Variants in PEX14 observed in about 807,000 individuals in gnomAD.
PEX14 encodes peroxisomal biogenesis factor 14, also known as peroxisomal membrane protein PEX14.
In PEX14, 15 loss-of-function variants were observed where a neutral mutation model predicts 49.5. The ratio of observed to expected loss-of-function variants is 0.30; its 90% CI spans 0.20 to 0.47. PEX14 has a LOEUF of 0.47. PEX14 is among the 20% of genes least tolerant of loss of function. The pLI is 1.00. For missense variants in PEX14, 398 were observed against 494.8 expected, an observed-to-expected ratio of 0.80 and a Z score of 1.86; for synonymous variants, 210 against 212.7, an observed-to-expected ratio of 0.99 and a Z score of 0.11.
At chr1:10,575,138 T>A (rs1337868729) in intron 3 of PEX14, among the ~76,000 whole-genome samples, 2 of 151,362 alleles carry the variant, frequency 1.3e-5, no homozygotes, top group African/African-American at 4.8e-5. Context: ...ATTAGGCAGA[T>A]TAGAAATTCA....
intron 3 of PEX14, among the ~76,000 whole-genome samples, chr1:10,577,409 C>CAAAA (rs377044144): frequency 1.4e-3 from 1 of 702 alleles, no homozygotes; most frequent in Non-Finnish European, 2.6e-3. Context: ...AAAAAAAAAA[C>CAAAA]CAAAAAAAAA....
At position 10,623,147 on chromosome 1, in the gene PEX14, C is replaced by T. The variant is rs1641644170; in HGVS notation, c.487+26C>T. 6.7e-7 allele frequency: 1 copy of T among 1,492,046 alleles called. No homozygotes were observed. Among genetic ancestry groups the T allele is most frequent in the Non-Finnish European group, 9.3e-7 (1 of 1,072,364 alleles). 92.4% of individuals were successfully genotyped at this position (1,492,046 alleles called of 1,614,324 possible). On this transcript the variant is annotated intron_variant, in intron 6 of 8. Coordinates refer to ENST00000356607, the MANE Select transcript of PEX14 (RefSeq NM_004565.3). The surrounding 1 kb of genome is among the most constrained non-coding windows in gnomAD (Gnocchi z 4.4). The stretch of plus-strand genomic sequence containing the variant: ...GTAAAGATTAATGACTCCATCAAGT[C>T]ACCCCTCACAGCCTTCTCCAAGCAG...
chr1:10,552,093 A>C (rs1224983622), intron 3 of PEX14, among the ~76,000 whole-genome samples: 18 of 150,450 alleles, frequency 1.2e-4, no homozygotes, highest in Admixed American at 1.2e-3. Flanking sequence ...ACTCTGTCTC[A>C]AAAAAAAAAT....
chr1:10,536,152 T>A, intron 2 of PEX14, 61 bp from the exon 3 acceptor site: 2 of 1,050,684 alleles, frequency 1.9e-6, no homozygotes, highest in African/African-American at 1.5e-5. Context: ...CTAGGATTTT[T>A]AATCTTGAAA....
intron 2 of PEX14, among the ~76,000 whole-genome samples, chr1:10,504,641 A>T (rs1641748234): frequency 2.6e-5 from 4 of 152,236 alleles, no homozygotes; most frequent in Admixed American, 2.6e-4. Context: ...CTTTAGGACC[A>T]GGGCCACTTT....
intron 3 of PEX14, among the ~76,000 whole-genome samples, chr1:10,577,588 T>A (rs1362085084): frequency 0.04 from 844 of 21,318 alleles, 89 homozygotes; most frequent in Non-Finnish European, 0.052. Context: ...TTTTTTTTTT[T>A]TTTTTTTTTT....
At position 10,495,727 on chromosome 1, in the gene PEX14, C is replaced by T. The variant is rs1042790311; in HGVS notation, c.84+406C>T. On this transcript the variant is annotated intron_variant, in intron 2 of 8. Coordinates refer to ENST00000356607, the MANE Select transcript of PEX14 (RefSeq NM_004565.3). This position sits in a 1 kb window ranked among gnomAD's most constrained non-coding sequence, Gnocchi z 4.2. Reference sequence around the variant, plus strand: ...CAGTGGTCTTTAAAGAACAGGTAAGCGATGGAATTCTGGTTTTGCCTGGTC... The same window carrying T: ...CAGTGGTCTTTAAAGAACAGGTAAGTGATGGAATTCTGGTTTTGCCTGGTC... Among the ~76,000 whole-genome samples, 1 of 152,246 alleles carries T rather than the reference C, an allele frequency of 6.6e-6. No individual in the cohort carries two copies. Among genetic ancestry groups the T allele is most frequent in the South Asian group, 2.1e-4 (1 of 4,828 alleles).
At chr1:10,577,319 C>T (rs1640144927) in intron 3 of PEX14, among the ~76,000 whole-genome samples, 2 of 145,974 alleles carry the variant, frequency 1.4e-5, no homozygotes, top group Admixed American at 1.4e-4. Context: ...ATTGCTTGAA[C>T]CTGGGAGGCA....
chr1:10,515,826 C>A (rs193038708), intron 2 of PEX14, among the ~76,000 whole-genome samples: 5 of 152,246 alleles, frequency 3.3e-5, no homozygotes, highest in African/African-American at 1.2e-4. Flanking sequence ...CCACTGTGTG[C>A]TGTGGTCAGG....
chr1:10,533,314 A>G (rs1199572757), intron 2 of PEX14, among the ~76,000 whole-genome samples: 1 of 152,140 alleles, frequency 6.6e-6, no homozygotes, highest in Non-Finnish European at 1.5e-5. Flanking sequence ...ACAAGCCCCA[A>G]ATATACTTTA....
intron 1 of PEX14, among the ~76,000 whole-genome samples, chr1:10,492,158 T>C (rs971801736): frequency 1.3e-5 from 2 of 152,226 alleles, no homozygotes; most frequent in Non-Finnish European, 2.9e-5. Context: ...AAAGGGTTTA[T>C]GATGAAAGAG....
chr1:10,571,544 C>T (rs1212314459), intron 3 of PEX14, among the ~76,000 whole-genome samples: 2 of 152,114 alleles, frequency 1.3e-5, no homozygotes, highest in Non-Finnish European at 2.9e-5. Flanking sequence ...CACAGTGCCT[C>T]ATGCCTAGAA....
chr1:10,491,534 T>G (rs937995029), intron 1 of PEX14, among the ~76,000 whole-genome samples: 1 of 151,556 alleles, frequency 6.6e-6, no homozygotes, highest in African/African-American at 2.4e-5. Context: ...ACCCGGCTAA[T>G]TTTTAAATTT....
intron 3 of PEX14, among the ~76,000 whole-genome samples, chr1:10,583,864 C>A (rs571712844): frequency 6.6e-6 from 1 of 152,204 alleles, no homozygotes; most frequent in African/African-American, 2.4e-5. Context: ...TTGTGTCTGG[C>A]AAATTCCAGG....
At chr1:10,530,183 G>A (rs1460386717) in intron 2 of PEX14, among the ~76,000 whole-genome samples, 1 of 152,122 alleles carries the variant, frequency 6.6e-6, no homozygotes, top group Non-Finnish European at 1.5e-5. Flanking sequence ...CCTCAGAGAA[G>A]GGGAAAGAGT....
chr1:10,520,999 T>G (rs1403266315), intron 2 of PEX14, among the ~76,000 whole-genome samples: 1 of 141,140 alleles, frequency 7.1e-6, no homozygotes, highest in Non-Finnish European at 1.6e-5. Flanking sequence ...TTTTTAAACA[T>G]TTTGAACTTT....
intron 1 of PEX14, among the ~76,000 whole-genome samples, chr1:10,492,403 A>T (rs558500763): frequency 3.9e-5 from 6 of 152,218 alleles, no homozygotes; most frequent in Non-Finnish European, 8.8e-5. Flanking sequence ...ATGGGGTAGC[A>T]TTAAGGTTGT....
Position 10,615,973 on chromosome 1 carries a change from CA to C in PEX14, c.299-2354del, listed in dbSNP as rs534991132. ...GTAAACTGTATGCGTGCTACCTGTT[CA>C]AAAAGTGTAAAACAGAAATGGGAGT... On this transcript the variant is annotated intron_variant, in intron 4 of 8. Transcript: ENST00000356607. Among the ~76,000 whole-genome samples the C allele has an allele frequency of 3.3e-3, 508 of 152,282 alleles. 4 individuals carry two copies. Among genetic ancestry groups the C allele is most frequent in the Non-Finnish European group, 5.7e-3 (388 of 68,006 alleles).
chr1:10,628,089 C>T lies in PEX14; in HGVS notation c.677+726C>T, dbSNP rs1641803764. Reference sequence around the variant, plus strand: ...TAGCTGGGATTACAGGCGCCCGCCACCACTCCCGGCTAATTTTTGTATTTT... The same window carrying T: ...TAGCTGGGATTACAGGCGCCCGCCATCACTCCCGGCTAATTTTTGTATTTT... On this transcript the variant is annotated intron_variant, in intron 8 of 8. Transcript: ENST00000356607. The surrounding 1 kb of genome is among the most constrained non-coding windows in gnomAD (Gnocchi z 4.5). 6.6e-6 allele frequency among the ~76,000 whole-genome samples: 1 copy of T among 152,176 alleles called. No individual in the cohort carries two copies. Among genetic ancestry groups the T allele is most frequent in the South Asian group, 2.1e-4 (1 of 4,830 alleles).
Sources: allele counts gnomAD v4.1 joint callset (sites outside exome capture counted in the v4.1 genomes callset), GRCh38; gene constraint gnomAD v4.1.1; non-coding constraint Gnocchi (gnomAD v3.1); transcripts MANE v1.5; gene names NCBI Gene and HGNC (gene_info 2026-07-23, HGNC 2026-07-21).